The following METTL15 variants were observed in gnomAD, a reference collection of about 807,000 sequenced individuals.
The protein encoded by METTL15 is 12S rRNA N(4)-cytidine methyltransferase METTL15.
A neutral mutation model predicts 38.3 loss-of-function variants in METTL15; 34 were observed. The ratio of observed to expected loss-of-function variants is 0.89; its 90% CI spans 0.68 to 1.18. The LOEUF (loss-of-function observed/expected upper bound fraction) is 1.18. Ranked by LOEUF, METTL15 falls within the 50% of genes most tolerant of loss-of-function variation. The probability of loss-of-function intolerance (pLI) is 0.00; values close to 1 mark genes in which losing one functional copy is unlikely to be tolerated. For missense variants in METTL15, 438 were observed against 498.4 expected, an observed-to-expected ratio of 0.88 and a Z score of 1.15; for synonymous variants, 162 against 170.9, an observed-to-expected ratio of 0.95 and a Z score of 0.41.
At chr11:28,526,266 A>G (rs957977623) in intron 6 of METTL15, among the ~76,000 whole-genome samples, 10 of 152,244 alleles carry the variant, frequency 6.6e-5, no homozygotes, top group African/African-American at 2.4e-4. Flanking sequence ...CTCCCCGAGC[A>G]TGGCCAGAGC....
intron 6 of METTL15, among the ~76,000 whole-genome samples, chr11:28,512,802 G>C (rs192606359): frequency 5.3e-5 from 8 of 152,194 alleles, no homozygotes; most frequent in Non-Finnish European, 8.8e-5. Context: ...TGGGCTGAAG[G>C]GCTCTTCAAG....
chr11:28,121,116 T>C (rs904461934), intron 3 of METTL15, among the ~76,000 whole-genome samples: 7 of 152,200 alleles, frequency 4.6e-5, no homozygotes, highest in Admixed American at 1.3e-4. Context: ...AATAATCTTA[T>C]TCATTCTACC....
At chr11:28,295,390 T>C (rs1373729520) in intron 5 of METTL15, among the ~76,000 whole-genome samples, 1 of 152,010 alleles carries the variant, frequency 6.6e-6, no homozygotes, top group African/African-American at 2.4e-5. Context: ...CTGAAAGAGG[T>C]GCTGGCAGCC....
Position 28,381,916 on chromosome 11 carries a change from C to CT in METTL15, c.*358+19891dup, listed in dbSNP as rs772753660. 8.9e-3 allele frequency among the ~76,000 whole-genome samples: 1,303 copies of CT among 145,792 alleles called. 11 individuals are homozygous for CT. The highest frequency in any genetic ancestry group is 0.013 in the Non-Finnish European group (885 of 65,808). On this transcript the variant is annotated intron_variant and NMD_transcript_variant, in intron 5 of 7. Transcript: ENST00000532947. ...GTCAAATTTTATGGTTTCCTGTTTC[C>CT]TTTTTTTTTTTGTGTGGATGTACAT...
intron 6 of METTL15, among the ~76,000 whole-genome samples, chr11:28,324,977 G>T (rs1214409351): frequency 6.6e-6 from 1 of 152,240 alleles, no homozygotes; most frequent in Non-Finnish European, 1.5e-5. Flanking sequence ...CTGCCCCCAT[G>T]CCTGCAGCTG....
chr11:28,273,952 T>G (rs1027785559), intron 4 of METTL15, among the ~76,000 whole-genome samples: 1 of 152,070 alleles, frequency 6.6e-6, no homozygotes, highest in Non-Finnish European at 1.5e-5. Context: ...GCAATTAAGA[T>G]CTACATAAAC....
intron 3 of METTL15, chr11:28,123,711 T>C (rs1852348341): frequency 4.3e-6 from 2 of 469,750 alleles, no homozygotes; most frequent in Admixed American, 4.1e-5. Flanking sequence ...GTTTGAGATG[T>C]CATTTTATCA....
intron 3 of METTL15, among the ~76,000 whole-genome samples, chr11:28,118,915 A>C (rs1215823351): frequency 1.3e-5 from 2 of 152,230 alleles, no homozygotes; most frequent in Admixed American, 6.5e-5. Flanking sequence ...AATAAACATT[A>C]GCTGTTACTA....
At chr11:28,423,313 C>T (rs1462271541) in intron 5 of METTL15, among the ~76,000 whole-genome samples, 2 of 151,916 alleles carry the variant, frequency 1.3e-5, no homozygotes, top group Non-Finnish European at 2.9e-5. Context: ...AAAAACAGAG[C>T]TATCATGTGA....
intron 6 of METTL15, among the ~76,000 whole-genome samples, chr11:28,309,223 G>T (rs1857189094): frequency 6.6e-6 from 1 of 152,046 alleles, no homozygotes; most frequent in African/African-American, 2.4e-5. Context: ...GCTTCCATTT[G>T]GTTGCTGCCA....
In METTL15 at chr11:28,406,743, G is replaced by A. The variant is rs552750445; in HGVS notation, c.*359-17556G>A. 2.4e-3 allele frequency among the ~76,000 whole-genome samples: 361 copies of A among 152,230 alleles called. 4 individuals carry two copies. The highest frequency in any genetic ancestry group is 8.5e-3 in the African/African-American group (352 of 41,554). On this transcript the variant is annotated intron_variant and NMD_transcript_variant, in intron 5 of 7. Coordinates refer to the METTL15 transcript ENST00000532947. ...TATGCTGAATAGGAGTGGTGAGAGA[G>A]GGCACACTTGTCTTGTGCCAGTTTC... is the stretch of plus-strand genomic sequence containing the variant.
intron 6 of METTL15, among the ~76,000 whole-genome samples, chr11:28,487,738 A>G (rs1230070387): frequency 1.3e-5 from 2 of 152,174 alleles, no homozygotes; most frequent in East Asian, 1.9e-4. Context: ...CCTTATCACC[A>G]TCTACCTCTG....
chr11:28,393,797 C>T (rs180958100), intron 5 of METTL15, among the ~76,000 whole-genome samples: 26 of 152,162 alleles, frequency 1.7e-4, no homozygotes, highest in Admixed American at 8.5e-4. Flanking sequence ...AGACTATATA[C>T]GGATGTGAAC....
At chr11:28,146,584 G>C (rs1849894462) in intron 3 of METTL15, among the ~76,000 whole-genome samples, 1 of 151,914 alleles carries the variant, frequency 6.6e-6, no homozygotes, top group Non-Finnish European at 1.5e-5. Context: ...AATGAACCCT[G>C]TGTCATTGTG....
intron 5 of METTL15, among the ~76,000 whole-genome samples, chr11:28,393,946 A>G (rs1002113593): frequency 2.0e-5 from 3 of 149,458 alleles, no homozygotes; most frequent in Admixed American, 6.7e-5. Context: ...TCCTCCATCC[A>G]TACTCCTGAT....
chr11:28,273,550 C>G (rs1421376020), intron 4 of METTL15, among the ~76,000 whole-genome samples: 2 of 151,964 alleles, frequency 1.3e-5, no homozygotes, highest in Non-Finnish European at 2.9e-5. Flanking sequence ...AGTTAATCTT[C>G]AGATTTTTGA....
chr11:28,293,782 A>T (rs963689859), intron 5 of METTL15, among the ~76,000 whole-genome samples: 3 of 152,094 alleles, frequency 2.0e-5, no homozygotes, highest in African/African-American at 7.2e-5. Context: ...GTCCTTTGTC[A>T]GTTGGATTCC....
At chr11:28,349,930 A>G (rs1775243190) in intron 3 of METTL15, among the ~76,000 whole-genome samples, 1 of 152,238 alleles carries the variant, frequency 6.6e-6, no homozygotes, top group African/African-American at 2.4e-5. Flanking sequence ...TGTTGCATAA[A>G]TGATGAGAGT....
At chr11:28,223,812 CTG>C (rs1738792232) in intron 4 of METTL15, among the ~76,000 whole-genome samples, 1 of 152,120 alleles carries the variant, frequency 6.6e-6, no homozygotes, top group South Asian at 2.1e-4. Flanking sequence ...CCTCTGAAGA[CTG>C]TATAAGAGGA....
Sources: gnomAD v4.1 joint callset for allele counts (sites outside exome capture counted in the v4.1 genomes callset) on GRCh38, gnomAD v4.1.1 for gene constraint, MANE v1.5 for transcripts, NCBI Gene and HGNC (gene_info 2026-07-23, HGNC 2026-07-21) for gene names.